The following SPMIP3 variants were observed in gnomAD, a reference collection of about 807,000 sequenced individuals.
SPMIP3 encodes protein SPMIP3.
At chr1:244,380,123 C>CTGTTTT in the SPMIP3 span, among the ~76,000 whole-genome samples, 1 of 115,530 alleles carries the variant, frequency 8.7e-6, no homozygotes, top group African/African-American at 3.4e-5. Flanking sequence ...CAGAGTTTTT[C>CTGTTTT]TTTTTTTTTT....
chr1:244,365,877 C>T, the SPMIP3 span, among the ~76,000 whole-genome samples: 1 of 152,294 alleles, frequency 6.6e-6, no homozygotes, highest in East Asian at 1.9e-4. Flanking sequence ...TGCTCCTGTG[C>T]TTCCTCTGAT....
the SPMIP3 span, chr1:244,375,381 C>T: frequency 7.4e-6 from 12 of 1,613,136 alleles, no homozygotes; most frequent in African/African-American, 4.0e-5. Flanking sequence ...GTATATTCAT[C>T]GCTCACCAAG....
chr1:244,387,541 T>C, the SPMIP3 span, among the ~76,000 whole-genome samples: 1 of 152,244 alleles, frequency 6.6e-6, no homozygotes, highest in East Asian at 1.9e-4. Context: ...GTAAGACCAG[T>C]AGATTTTGAG....
At chr1:244,383,241 G>T in the SPMIP3 span, among the ~76,000 whole-genome samples, 1 of 152,238 alleles carries the variant, frequency 6.6e-6, no homozygotes, top group Non-Finnish European at 1.5e-5. Context: ...GATGGGTGTG[G>T]TGGTGCATGC....
the SPMIP3 span, among the ~76,000 whole-genome samples, chr1:244,371,284 C>T: frequency 6.6e-6 from 1 of 152,216 alleles, no homozygotes; most frequent in Non-Finnish European, 1.5e-5. Context: ...CCGGGTTCAA[C>T]AGAATCACTC....
the SPMIP3 span, among the ~76,000 whole-genome samples, chr1:244,356,011 C>T: frequency 2.0e-5 from 3 of 152,158 alleles, no homozygotes; most frequent in African/African-American, 7.2e-5. Context: ...ATCCTATGAT[C>T]TCACTAAGCA....
chr1:244,367,887 C>A, the SPMIP3 span, among the ~76,000 whole-genome samples: 1 of 152,242 alleles, frequency 6.6e-6, no homozygotes, highest in Non-Finnish European at 1.5e-5. Context: ...GAGCCAACTC[C>A]ATTCCTCTCT....
At chr1:244,378,417 A>G in the SPMIP3 span, 29 of 1,527,086 alleles carry the variant, frequency 1.9e-5, no homozygotes, top group Middle Eastern at 1.7e-4. Flanking sequence ...GAGAAAATGG[A>G]CTGCTTTTTT....
the SPMIP3 span, among the ~76,000 whole-genome samples, chr1:244,361,801 C>T: frequency 6.6e-6 from 1 of 152,168 alleles, no homozygotes; most frequent in African/African-American, 2.4e-5. Flanking sequence ...AGGCACTGAG[C>T]ACTCACTCTG....
the SPMIP3 span, among the ~76,000 whole-genome samples, chr1:244,376,790 G>A: frequency 5.7e-4 from 87 of 151,894 alleles, 1 homozygote; most frequent in African/African-American, 2.1e-3. Context: ...CATTTCAAAA[G>A]TTATAATCCT....
the SPMIP3 span, among the ~76,000 whole-genome samples, chr1:244,374,452 A>AT: frequency 2.6e-5 from 4 of 152,122 alleles, no homozygotes; most frequent in Non-Finnish European, 4.4e-5. Flanking sequence ...AAAAGATGAA[A>AT]TTTTGTAAAC....
the SPMIP3 span, among the ~76,000 whole-genome samples, chr1:244,359,142 A>AG: frequency 7.2e-6 from 1 of 139,282 alleles, no homozygotes; most frequent in Non-Finnish European, 1.5e-5. Context: ...ATTAATGGCA[A>AG]AAAAAAAAAA....
the SPMIP3 span, among the ~76,000 whole-genome samples, chr1:244,381,471 T>C: frequency 2.0e-5 from 3 of 152,326 alleles, no homozygotes; most frequent in African/African-American, 4.8e-5. Context: ...TCCAAACCTA[T>C]GGAGCTAAAT....
At chr1:244,368,478 C>T in the SPMIP3 span, among the ~76,000 whole-genome samples, 5 of 152,348 alleles carry the variant, frequency 3.3e-5, no homozygotes, top group South Asian at 8.3e-4. Context: ...GGGACTTAAA[C>T]TCACGTCTGT....
chr1:244,361,101 G>A, the SPMIP3 span, among the ~76,000 whole-genome samples: 2 of 152,080 alleles, frequency 1.3e-5, no homozygotes, highest in South Asian at 4.1e-4. Flanking sequence ...GGGAAGGGGA[G>A]TGGGGAAGAG....
the SPMIP3 span, among the ~76,000 whole-genome samples, chr1:244,356,390 G>A: frequency 4.6e-5 from 7 of 152,070 alleles, no homozygotes; most frequent in Admixed American, 6.5e-5. Flanking sequence ...GATTTAACCC[G>A]TATTATATAA....
the SPMIP3 span, among the ~76,000 whole-genome samples, chr1:244,355,066 G>A: frequency 6.6e-6 from 1 of 152,296 alleles, no homozygotes; most frequent in African/African-American, 2.4e-5. Context: ...AAGGCAGTTG[G>A]TTAATAAATC....
chr1:244,355,637 C>T, the SPMIP3 span, among the ~76,000 whole-genome samples: 95 of 152,286 alleles, frequency 6.2e-4, no homozygotes, highest in African/African-American at 2.1e-3. Context: ...TTGCCAGCCT[C>T]GGCCTCCCAA....
chr1:244,359,616 G>A, the SPMIP3 span, among the ~76,000 whole-genome samples: 3 of 151,894 alleles, frequency 2.0e-5, no homozygotes, highest in East Asian at 1.9e-4. Flanking sequence ...CCAACTACTC[G>A]GGAGGCTGAG....
Sources: gnomAD v4.1 joint callset for allele counts (sites outside exome capture counted in the v4.1 genomes callset) on GRCh38, gnomAD v4.1.1 for gene constraint, MANE v1.5 for transcripts, NCBI Gene and HGNC (gene_info 2026-07-23, HGNC 2026-07-21) for gene names.